The following HS6ST3 variants were observed in gnomAD, a reference collection of about 807,000 sequenced individuals.
The protein encoded by HS6ST3 is heparan sulfate 6-O-sulfotransferase 3.
HS6ST3 carries 12 observed loss-of-function variants against 36.7 expected under a neutral mutation model. That is an observed-to-expected ratio of 0.33 (90% CI 0.21 to 0.53). The LOEUF (loss-of-function observed/expected upper bound fraction) is 0.53, where lower values mean the gene tolerates loss of function less well. Among genes scored for constraint, HS6ST3 ranks in the 20% least tolerant of loss-of-function variants. The probability of loss-of-function intolerance (pLI) is 0.95; values close to 1 mark genes in which losing one functional copy is unlikely to be tolerated. For missense variants in HS6ST3, 584 were observed against 640.9 expected (o/e 0.91, Z 0.96); for synonymous variants, 240 against 257.5 (o/e 0.93, Z 0.65).
In HS6ST3 at chr13:96,373,225, G is replaced by A. The variant is rs115771007; in HGVS notation, c.707+281656G>A. Among the ~76,000 whole-genome samples, 860 of 152,158 alleles carry A rather than the reference G, an allele frequency of 5.7e-3. 5 individuals are homozygous for A. Among genetic ancestry groups the A allele is most frequent in the Middle Eastern group, 0.034 (10 of 294 alleles). On this transcript the variant is annotated intron_variant, in intron 1 of 1. Transcript: ENST00000376705. ...CATCTTGAGATCCTTGGTTATATCT[G>A]TAAAGACCCTTTTTCCAAATAAGGT... is the stretch of plus-strand genomic sequence containing the variant.
At chr13:96,693,673 TA>T (rs1875042196) in intron 1 of HS6ST3, among the ~76,000 whole-genome samples, 1 of 152,170 alleles carries the variant, frequency 6.6e-6, no homozygotes, top group African/African-American at 2.4e-5. Context: ...ATTCTCATGG[TA>T]AAATGATGAT....
chr13:96,337,159 G>A (rs577331274), intron 1 of HS6ST3, among the ~76,000 whole-genome samples: 5 of 151,974 alleles, frequency 3.3e-5, no homozygotes, highest in Admixed American at 1.3e-4. Flanking sequence ...TCCGCCTCCC[G>A]GGTTCACGCC....
chr13:96,097,644 A>G (rs1440762168), intron 1 of HS6ST3, among the ~76,000 whole-genome samples: 1 of 152,230 alleles, frequency 6.6e-6, no homozygotes, highest in Non-Finnish European at 1.5e-5. Flanking sequence ...GATTGTAGAT[A>G]TCATTTATAA....
In HS6ST3 at chr13:96,660,497, C is replaced by G. The variant is rs149181469; in HGVS notation, c.708-171993C>G. 3.3e-5 allele frequency among the ~76,000 whole-genome samples: 5 copies of G among 152,164 alleles called. No individual in the cohort carries two copies. The East Asian group carries it at 9.7e-4, about 29-fold the overall frequency. ...ATGTGCAAAAGAATGGAATTTGACTCTTATCTTATACCATACATAAAAATC... is the reference window on the plus strand; with the variant it reads ...ATGTGCAAAAGAATGGAATTTGACTGTTATCTTATACCATACATAAAAATC... On this transcript the variant is annotated intron_variant, in intron 1 of 1. Transcript: ENST00000376705.
At chr13:96,415,839 G>A (rs1364252164) in intron 1 of HS6ST3, among the ~76,000 whole-genome samples, 1 of 152,190 alleles carries the variant, frequency 6.6e-6, no homozygotes, top group Non-Finnish European at 1.5e-5. Context: ...GATATATAAA[G>A]GGAGGATCAT....
intron 1 of HS6ST3, among the ~76,000 whole-genome samples, chr13:96,455,544 G>T (rs1173699094): frequency 6.6e-6 from 1 of 151,998 alleles, no homozygotes; most frequent in Non-Finnish European, 1.5e-5. Flanking sequence ...GGGTAATTGG[G>T]TATCAGTCTC....
intron 1 of HS6ST3, among the ~76,000 whole-genome samples, chr13:96,691,229 C>G (rs563283762): frequency 6.6e-6 from 1 of 152,058 alleles, no homozygotes; most frequent in Non-Finnish European, 1.5e-5. Context: ...GTCACAGGGC[C>G]ATGTGTAAAT....
intron 1 of HS6ST3, among the ~76,000 whole-genome samples, chr13:96,292,279 T>G (rs2054834008): frequency 1.3e-5 from 2 of 151,992 alleles, no homozygotes; most frequent in Admixed American, 1.3e-4. Flanking sequence ...TGATAGTTAA[T>G]TTTGACTTTT....
chr13:96,294,722 C>A (rs983648934), intron 1 of HS6ST3, among the ~76,000 whole-genome samples: 7 of 152,070 alleles, frequency 4.6e-5, no homozygotes, highest in Admixed American at 3.3e-4. Flanking sequence ...CTAAACCAGG[C>A]TGTTTTTATT....
chr13:96,440,798 TA>T (rs962440727), intron 1 of HS6ST3, among the ~76,000 whole-genome samples: 3 of 151,922 alleles, frequency 2.0e-5, no homozygotes, highest in Admixed American at 1.3e-4. Context: ...CTTGAGACTA[TA>T]AAAAAAATGG....
At chr13:96,279,101 A>G (rs183275643) in intron 1 of HS6ST3, among the ~76,000 whole-genome samples, 1 of 152,186 alleles carries the variant, frequency 6.6e-6, no homozygotes, top group Non-Finnish European at 1.5e-5. Flanking sequence ...AAACCATCAG[A>G]GAGTAATTGA....
At chr13:96,206,591 G>A (rs2054371511) in intron 1 of HS6ST3, among the ~76,000 whole-genome samples, 1 of 152,176 alleles carries the variant, frequency 6.6e-6, no homozygotes, top group African/African-American at 2.4e-5. Flanking sequence ...AAACAGCATG[G>A]TGCTGGTACA....
chr13:96,815,015 A>G (rs569097378), intron 1 of HS6ST3, among the ~76,000 whole-genome samples: 1 of 152,160 alleles, frequency 6.6e-6, no homozygotes, highest in Non-Finnish European at 1.5e-5. Flanking sequence ...CATTACATTC[A>G]TCTGTCTCTC....
chr13:96,396,006 A>G (rs889361238), intron 1 of HS6ST3, among the ~76,000 whole-genome samples: 1 of 151,996 alleles, frequency 6.6e-6, no homozygotes, highest in Non-Finnish European at 1.5e-5. Context: ...AATGATACCT[A>G]CCTCCATGTT....
intron 1 of HS6ST3, among the ~76,000 whole-genome samples, chr13:96,254,085 A>G (rs1450333099): frequency 6.6e-6 from 1 of 152,114 alleles, no homozygotes; most frequent in Non-Finnish European, 1.5e-5. Context: ...TAGGTTACAA[A>G]TATAACTTTT....
chr13:96,497,623 C>T (rs1016194609), intron 1 of HS6ST3, among the ~76,000 whole-genome samples: 3 of 152,112 alleles, frequency 2.0e-5, no homozygotes, highest in Non-Finnish European at 1.5e-5. Context: ...TCAAAGTGAT[C>T]CTTTGAAAAT....
intron 1 of HS6ST3, among the ~76,000 whole-genome samples, chr13:96,448,348 C>G (rs1431392959): frequency 2.0e-5 from 3 of 152,162 alleles, no homozygotes; most frequent in African/African-American, 7.2e-5. Context: ...GAATGTCTCT[C>G]TCTCATGTAT....
At chr13:96,428,785 C>A (rs2055599933) in intron 1 of HS6ST3, among the ~76,000 whole-genome samples, 1 of 151,814 alleles carries the variant, frequency 6.6e-6, no homozygotes, top group Non-Finnish European at 1.5e-5. Flanking sequence ...AAGTGCTCTG[C>A]AGTGCTCCTT....
intron 1 of HS6ST3, among the ~76,000 whole-genome samples, chr13:96,577,584 G>A (rs530254105): frequency 7.2e-4 from 109 of 152,186 alleles, no homozygotes; most frequent in Non-Finnish European, 1.3e-3. Context: ...GATTCTTGAG[G>A]AATCGCCTAT....
Sources: allele counts gnomAD v4.1 joint callset (sites outside exome capture counted in the v4.1 genomes callset), GRCh38; gene constraint gnomAD v4.1.1; transcripts MANE v1.5; gene names NCBI Gene and HGNC (gene_info 2026-07-23, HGNC 2026-07-21).